ENTR1: variants seen among roughly 807,000 people sequenced by gnomAD.
ENTR1 encodes endosome associated trafficking regulator 1, also known as endosome-associated-trafficking regulator 1.
Under a neutral mutation model 47.9 loss-of-function variants are expected in ENTR1, and 47 were observed. The observed-to-expected ratio is 0.98, with a 90% CI of 0.78 to 1.25. The LOEUF (loss-of-function observed/expected upper bound fraction) is 1.25. ENTR1 is among the 50% of genes most tolerant of loss of function. ENTR1 has a pLI of 0.00. For missense variants in ENTR1, 668 were observed against 570.5 expected (o/e 1.17, Z -1.74); for synonymous variants, 290 against 245.8 (o/e 1.18, Z -1.68).
chr9:136,403,420 GAA>G lies in ENTR1; in HGVS notation c.1209-535_1209-534del, dbSNP rs1834602622. On this transcript the variant is annotated intron_variant, in intron 9 of 9. Transcript: ENST00000357365. ...GGAGCAAGGGGTGGGGTTTGCCGGG[GAA>G]GAAAGGGACAGGGTTCCTGGGAGCA... 5.7e-4 allele frequency among the ~76,000 whole-genome samples: 58 copies of G among 102,092 alleles called. 3 individuals carry two copies. Among genetic ancestry groups the G allele is most frequent in the African/African-American group, 1.4e-3 (38 of 28,062 alleles). 67.0% of individuals were successfully genotyped at this position (102,092 alleles called of 152,430 possible).
intron 6 of ENTR1, 45 bp from the exon 7 acceptor site, chr9:136,405,247 T>A (rs1233191994): frequency 6.9e-7 from 1 of 1,452,718 alleles, no homozygotes; most frequent in Middle Eastern, 1.7e-4. Context: ...TGGCTACTTT[T>A]AAGAGGACTA....
At chr9:136,406,384 A>G (rs1403973939) in intron 5 of ENTR1, among the ~76,000 whole-genome samples, 1 of 151,786 alleles carries the variant, frequency 6.6e-6, no homozygotes, top group African/African-American at 2.4e-5. Flanking sequence ...CAGGAGAATC[A>G]CTTGAACTCG....
chr9:136,405,374 G>A (rs1486848879), intron 6 of ENTR1, 172 bp from the exon 7 acceptor site: 1 of 589,232 alleles, frequency 1.7e-6, no homozygotes, highest in African/African-American at 1.9e-5. Context: ...CACCAGGCAG[G>A]CGTGCAGGGA....
At position 136,406,515 on chromosome 9, in the gene ENTR1, C is replaced by T. The variant is rs560957140; in HGVS notation, c.820-537G>A. On this transcript the variant is annotated intron_variant, in intron 5 of 9. Coordinates refer to ENST00000357365, the MANE Select transcript of ENTR1 (RefSeq NM_001039707.2). Reference sequence around the variant, plus strand: ...TTTTTTGAAACAGAGTTTCGCCCGTCGCCTAGGCTGGAGTACAGTGGCGTG... The same window carrying T: ...TTTTTTGAAACAGAGTTTCGCCCGTTGCCTAGGCTGGAGTACAGTGGCGTG... Among the ~76,000 whole-genome samples, 151 of 152,012 alleles carry T rather than the reference C, an allele frequency of 9.9e-4. 1 individual carries two copies. In the South Asian group the frequency reaches 0.014, roughly 14 times the overall value.
chr9:136,410,463 G>A lies in ENTR1; in HGVS notation c.-66C>T, dbSNP rs1248355565. On this transcript the variant is annotated 5_prime_UTR_variant, in exon 1 of 10. Coordinates refer to ENST00000357365, the MANE Select transcript of ENTR1 (RefSeq NM_001039707.2). ...GCGGCGGCTCCATGGCCCCGGCTCC[G>A]CCCGTGCCGCGGCCCGCGTCGCCCG... is the stretch of plus-strand genomic sequence containing the variant. 2.4e-5 allele frequency: 25 copies of A among 1,028,546 alleles called. No homozygotes were observed. Among genetic ancestry groups the A allele is most frequent in the Non-Finnish European group, 2.8e-5 (24 of 851,716 alleles). 63.7% of individuals were successfully genotyped at this position (1,028,546 alleles called of 1,614,324 possible). A position where few individuals can be genotyped will look rare whatever the true frequency, so the allele number is the denominator to read the frequency against.
intron 3 of ENTR1, among the ~76,000 whole-genome samples, chr9:136,408,734 A>G (rs1258199076): frequency 1.3e-5 from 2 of 152,060 alleles, no homozygotes; most frequent in African/African-American, 4.8e-5. Context: ...CGGGGACTTA[A>G]GCAGCCACAC....
chr9:136,406,667 G>A (rs1205242994), intron 5 of ENTR1, among the ~76,000 whole-genome samples: 1 of 150,130 alleles, frequency 6.7e-6, no homozygotes, highest in East Asian at 2.0e-4. Context: ...AGTAGAGACA[G>A]GGTTTCACCA....
intron 1 of ENTR1, 40 bp downstream of exon 1, chr9:136,410,288 G>T: frequency 6.4e-7 from 1 of 1,551,168 alleles, no homozygotes. Flanking sequence ...GGCGGCCGCC[G>T]CCCACCTGGA....
chr9:136,407,056 C>T (rs1834798651), intron 5 of ENTR1, 89 bp downstream of exon 5: 1 of 1,352,468 alleles, frequency 7.4e-7, no homozygotes. Flanking sequence ...CAAACCAGGC[C>T]ACCCAAGAGG....
intron 8 of ENTR1, 82 bp from the exon 9 acceptor site, chr9:136,404,276 A>C (rs1168125858): frequency 6.6e-7 from 1 of 1,522,678 alleles, no homozygotes; most frequent in Non-Finnish European, 8.8e-7. Flanking sequence ...GCGAGGGCTT[A>C]CCCGTGGGGG....
In ENTR1 at chr9:136,409,101, AG is replaced by A. The variant is rs1564413248; in HGVS notation, c.221-35del. 5.6e-6 allele frequency: 9 copies of A among 1,603,734 alleles called. No individual in the cohort carries two copies. The East Asian group carries it at 6.7e-5, about 12-fold the overall frequency. ...AAACAATGTCACCCACCATGCTGGC[AG>A]GAAGTCTTTATGACCTCACATTTGG... On this transcript the variant is annotated intron_variant, in intron 2 of 9. Transcript: ENST00000357365.
chr9:136,404,870 C>G lies in ENTR1; in HGVS notation c.1006-177G>C, dbSNP rs564430766. 7.3e-5 allele frequency: 50 copies of G among 685,622 alleles called. No individual in the cohort carries two copies. The East Asian group carries it at 1.3e-3, about 17-fold the overall frequency. The allele number at this position is 685,622 out of a possible 1,614,324, so 42.5% of individuals were successfully genotyped here. ...CAGACCACCCCTGGGAAGGGCTCAT[C>G]GTGCAGTGTCTGTGCTCTGGCCCCC... On this transcript the variant is annotated intron_variant, in intron 7 of 9. Transcript: ENST00000357365.
rs1444763553 is a variant in ENTR1 at position 136,407,996 on chromosome 9, C to T, written c.290-58G>A. On this transcript the variant is annotated intron_variant, in intron 3 of 9. Coordinates refer to ENST00000357365, the MANE Select transcript of ENTR1 (RefSeq NM_001039707.2). ...CTACTGAAGAGCGTTGAAAGGGAAC[C>T]TTCCTGTTCACCTGTCTTTCCAGAG... is the stretch of plus-strand genomic sequence containing the variant. 2.4e-5 allele frequency: 27 copies of T among 1,136,560 alleles called. 1 individual carries two copies. The highest frequency in any genetic ancestry group is 3.9e-4 in the Middle Eastern group (2 of 5,160). 70.4% of individuals were successfully genotyped at this position (1,136,560 alleles called of 1,614,324 possible).
At chr9:136,408,404 T>C (rs536873867) in intron 3 of ENTR1, among the ~76,000 whole-genome samples, 224 of 151,946 alleles carry the variant, frequency 1.5e-3, no homozygotes, top group Middle Eastern at 3.4e-3. Flanking sequence ...CGGTGAAACC[T>C]CATCTCTACT....
At chr9:136,405,359 G>A in intron 6 of ENTR1, 157 bp from the exon 7 acceptor site, 1 of 609,450 alleles carries the variant, frequency 1.6e-6, no homozygotes, top group East Asian at 2.8e-5. Flanking sequence ...GCCTGGACCT[G>A]TAGCCACCAG....
intron 1 of ENTR1, 24 bp from the exon 2 acceptor site, chr9:136,410,263 T>C (rs1835034524): frequency 6.4e-7 from 1 of 1,558,764 alleles, no homozygotes; most frequent in East Asian, 2.4e-5. Flanking sequence ...CAACAGCGAC[T>C]TTACTGCGTG....
rs180867605 is a variant in ENTR1, at chr9:136,402,729, C to A, written c.*59G>T. Reference sequence around the variant, plus strand: ...TAAGGACACAACTGCACATTTAGATCGAGCGGTGGTGACCTCAGGGTATAC... The same window carrying A: ...TAAGGACACAACTGCACATTTAGATAGAGCGGTGGTGACCTCAGGGTATAC... On this transcript the variant is annotated 3_prime_UTR_variant, in exon 10 of 10. Coordinates refer to ENST00000357365, the MANE Select transcript of ENTR1 (RefSeq NM_001039707.2). The A allele has an allele frequency of 1.9e-5, 21 of 1,120,734 alleles. No homozygotes were observed. The highest frequency in any genetic ancestry group is 2.7e-4 in the Middle Eastern group (1 of 3,646). 69.4% of individuals were successfully genotyped at this position (1,120,734 alleles called of 1,614,324 possible). A position where few individuals can be genotyped will look rare whatever the true frequency, so the allele number is the denominator to read the frequency against.
In ENTR1 at chr9:136,410,116, G is replaced by A. The variant is rs1367944606; in HGVS notation, c.194C>T (p.Pro65Leu). The A allele has an allele frequency of 8.7e-6, 14 of 1,612,696 alleles. No homozygotes were observed. The highest frequency in any genetic ancestry group is 1.0e-5 in the Non-Finnish European group (12 of 1,179,966). The change falls in exon 2 of 10, where the codon CCG becomes CTG. Residue 65 changes from proline (P) to leucine (L), a missense_variant. Physicochemically the swap from Pro to Leu is moderately conservative, Grantham distance 98 (BLOSUM62 -3). Transcript: ENST00000357365. ...TGTGTCTCCCACGGAAGCCAGCACC[G>A]GGCTGGGCACATAGCACATAAAGGC... ...RPAFMCYVPS[P>L]VLASVGDTDF... is the part of the protein sequence containing the mutation.
chr9:136,404,894 C>T, intron 7 of ENTR1, 197 bp downstream of exon 7: 2 of 666,322 alleles, frequency 3.0e-6, no homozygotes, highest in South Asian at 1.8e-5. Flanking sequence ...GCTCTGGCCC[C>T]CCACTCCCCA....
Sources: allele counts gnomAD v4.1 joint callset (sites outside exome capture counted in the v4.1 genomes callset), GRCh38; gene constraint gnomAD v4.1.1; transcripts MANE v1.5; gene names NCBI Gene and HGNC (gene_info 2026-07-23, HGNC 2026-07-21).